Variants in SYNE2 observed in about 807,000 individuals in gnomAD.
SYNE2 encodes spectrin repeat containing nuclear envelope protein 2.
In SYNE2, 431 loss-of-function variants were observed where a neutral mutation model predicts 856.3. The ratio of observed to expected loss-of-function variants is 0.50; its 90% CI spans 0.47 to 0.55. The LOEUF (loss-of-function observed/expected upper bound fraction) is 0.55, where lower values mean the gene tolerates loss of function less well. Among genes scored for constraint, SYNE2 ranks in the 20% least tolerant of loss-of-function variants. The pLI, the probability that SYNE2 is intolerant of heterozygous loss-of-function variation, is 0.00. For synonymous variants in SYNE2, 2,923 were observed against 2,872.3 expected, an observed-to-expected ratio of 1.02 and a Z score of -0.56; for missense variants, 8,129 against 8,023.2, an observed-to-expected ratio of 1.01 and a Z score of -0.50.
At chr14:63,787,153 G>A (rs182296872) in intron 1 of SYNE2, among the ~76,000 whole-genome samples, 11 of 152,204 alleles carry the variant, frequency 7.2e-5, no homozygotes, top group Non-Finnish European at 1.2e-4. Flanking sequence ...TTGGGATATC[G>A]ACAATCTCAA....
At chr14:63,932,265 C>G (rs1387269660) in intron 2 of SYNE2, among the ~76,000 whole-genome samples, 1 of 152,034 alleles carries the variant, frequency 6.6e-6, no homozygotes, top group Non-Finnish European at 1.5e-5. Context: ...GCCTGTAATC[C>G]CAGCTACTTG....
At chr14:64,148,264 A>G (rs1027214337) in intron 84 of SYNE2, among the ~76,000 whole-genome samples, 4 of 152,220 alleles carry the variant, frequency 2.6e-5, no homozygotes, top group African/African-American at 7.2e-5. Flanking sequence ...ACAGTAAACT[A>G]TGATCATGCC....
intron 54 of SYNE2, 75 bp downstream of exon 54, chr14:64,076,175 T>G: frequency 6.6e-7 from 1 of 1,513,282 alleles, no homozygotes; most frequent in Non-Finnish European, 9.1e-7. Context: ...TCATTTAATG[T>G]CAAATTCCAT....
Position 63,979,016 on chromosome 14 carries a change from T to G in SYNE2, c.1569+2T>G, listed in dbSNP as rs1029219568. The G allele has an allele frequency of 6.2e-7, 1 of 1,613,512 alleles. No homozygotes were observed. Among genetic ancestry groups the G allele is most frequent in the Admixed American group, 1.7e-5 (1 of 59,998 alleles). On this transcript the variant is annotated splice_donor_variant, in intron 14 of 115. Coordinates refer to ENST00000555002, the MANE Select transcript of SYNE2 (RefSeq NM_182914.3). LOFTEE classifies it high-confidence loss of function. ...GAATTATTGCTGGAAGACTGGCATGTAAGCTTTTCAATTTTGTGTCTTAGG... is the reference window on the plus strand; with the variant it reads ...GAATTATTGCTGGAAGACTGGCATGGAAGCTTTTCAATTTTGTGTCTTAGG...
Position 63,990,440 on chromosome 14 carries a change from T to A in SYNE2, c.2343T>A (p.Asp781Glu), listed in dbSNP as rs1237220771. ...TTATTGCCAAAGGCTCTATGTTTGA[T>A]GAGCTTATGGCAAGAAGTGAAGATA... ...KHLIAKGSMF[D>E]ELMARSEDML... Residue 781 changes from aspartate to glutamate, a missense_variant, in exon 20 of 116, where the codon GAT (aspartate) becomes GAA (glutamate). Asp to Glu is a conservative substitution (Grantham distance 45). Around this residue, in one of 3 missense-constraint regions of SYNE2, gnomAD observed 2,422 missense variants for 2,357.4 expected, o/e 1.03. Transcript: ENST00000555002. 1 of 1,612,578 alleles carries A rather than the reference T, an allele frequency of 6.2e-7. No homozygotes were observed. Among genetic ancestry groups the A allele is most frequent in the Admixed American group, 1.7e-5 (1 of 60,028 alleles).
chr14:64,027,718 T>C lies in SYNE2; in HGVS notation c.6639T>C (p.Thr2213=), dbSNP rs2096991869. The C allele has an allele frequency of 6.2e-7, 1 of 1,614,098 alleles. No individual in the cohort carries two copies. Among genetic ancestry groups the C allele is most frequent in the East Asian group, 2.2e-5 (1 of 44,870 alleles). Reference sequence around the variant, plus strand: ...AGGGAAACTACCTCTTGGAGTGCACTAAAAATCCCAGCTTCAGTGAAGAGC... The same window carrying C: ...AGGGAAACTACCTCTTGGAGTGCACCAAAAATCCCAGCTTCAGTGAAGAGC... ...KSQGNYLLEC[T]KNPSFSEEPW... The change falls in exon 43 of 116, where the codon ACT becomes ACC. Residue 2213 remains threonine (T), a synonymous_variant. Transcript: ENST00000555002.
At chr14:64,198,047 G>A (rs2098547476) in intron 99 of SYNE2, among the ~76,000 whole-genome samples, 1 of 152,172 alleles carries the variant, frequency 6.6e-6, no homozygotes, top group Admixed American at 6.5e-5. Flanking sequence ...CTTCGCTTTT[G>A]TACCTAAAAA....
intron 10 of SYNE2, among the ~76,000 whole-genome samples, chr14:63,965,323 T>C (rs1231876438): frequency 6.6e-6 from 1 of 152,192 alleles, no homozygotes; most frequent in Non-Finnish European, 1.5e-5. Context: ...TGTTAAAATA[T>C]CTTGCTGAGC....
chr14:64,089,423 A>T lies in SYNE2; in HGVS notation c.11671-151A>T, dbSNP rs1595443888. The stretch of plus-strand genomic sequence containing the variant: ...GGAAAGAAAATGGTGAACATTATTT[A>T]TTTATCTATAGTGCTTGGTTAGTTT... On this transcript the variant is annotated intron_variant, in intron 58 of 115. Coordinates refer to ENST00000555002, the MANE Select transcript of SYNE2 (RefSeq NM_182914.3). 6.4e-6 allele frequency: 2 copies of T among 312,174 alleles called. No homozygotes were observed. The highest frequency in any genetic ancestry group is 5.9e-6 in the Non-Finnish European group (1 of 169,844). The allele number at this position is 312,174 out of a possible 1,614,324, so 19.3% of individuals were successfully genotyped here.
chr14:64,130,301 T>A, intron 76 of SYNE2, 53 bp downstream of exon 76: 1 of 1,444,072 alleles, frequency 6.9e-7, no homozygotes, highest in Non-Finnish European at 9.6e-7. Context: ...AATCTTAAGG[T>A]ATTTCTGAAT....
intron 36 of SYNE2, 89 bp downstream of exon 36, chr14:64,021,604 A>C: frequency 6.8e-7 from 1 of 1,468,988 alleles, no homozygotes; most frequent in Middle Eastern, 2.2e-4. Context: ...ATAAAAATAG[A>C]AAAAAAAAGT....
At chr14:64,125,285 C>T in intron 71 of SYNE2, 75 bp downstream of exon 71, 1 of 1,594,478 alleles carries the variant, frequency 6.3e-7, no homozygotes, top group South Asian at 1.1e-5. Context: ...GTGACTTGGT[C>T]ATAATTGTCG....
chr14:63,840,642 C>G (rs1890035179), intron 1 of SYNE2, among the ~76,000 whole-genome samples: 1 of 151,846 alleles, frequency 6.6e-6, no homozygotes, highest in Admixed American at 6.6e-5. Flanking sequence ...TTTTAAATGT[C>G]TCTGCCAAAG....
At position 63,978,892 on chromosome 14, in the gene SYNE2, G is replaced by A. The variant is rs200611311; in HGVS notation, c.1447G>A (p.Glu483Lys). Reference sequence around the variant, plus strand: ...GGAGAAAAAATTTATTCTACTTCTAGAATTTCATTACTACAAGTGCTTAGT... The same window carrying A: ...GGAGAAAAAATTTATTCTACTTCTAAAATTTCATTACTACAAGTGCTTAGT... ...ILEKKFILLL[E>K]FHYYKCLVLG... is the part of the protein sequence containing the mutation. Residue 483 changes from glutamate to lysine, a missense_variant, in exon 14 of 116, where the codon GAA becomes AAA. Transcript: ENST00000555002. 2.2e-4 allele frequency: 354 copies of A among 1,613,236 alleles called. 1 individual carries two copies. In the African/African-American group the frequency reaches 4.2e-3, roughly 19 times the overall value.
chr14:63,843,665 A>T (rs1595166468), intron 1 of SYNE2, among the ~76,000 whole-genome samples: 1 of 152,168 alleles, frequency 6.6e-6, no homozygotes, highest in African/African-American at 2.4e-5. Context: ...TTTTATTCAG[A>T]ATTTTTAAAA....
At chr14:64,210,384 G>A (rs998091761) in intron 103 of SYNE2, among the ~76,000 whole-genome samples, 1 of 152,190 alleles carries the variant, frequency 6.6e-6, no homozygotes, top group Non-Finnish European at 1.5e-5. Flanking sequence ...TACAACTTCT[G>A]TAACCCGTGG....
At chr14:64,104,221 A>G (rs73279572) in intron 64 of SYNE2, among the ~76,000 whole-genome samples, 7,507 of 152,108 alleles carry the variant, frequency 0.049, 614 homozygotes, top group African/African-American at 0.17. Flanking sequence ...CTGGAGTACA[A>G]ATTCAATACC....
rs2096960617 is a variant in SYNE2, at chr14:64,024,313, G to A, written c.5694G>A (p.Leu1898=). 1.2e-6 allele frequency: 2 copies of A among 1,614,018 alleles called. No homozygotes were observed. Among genetic ancestry groups the A allele is most frequent in the South Asian group, 2.2e-5 (2 of 91,086 alleles). Residue 1898 remains leucine, a synonymous_variant, in exon 39 of 116, where the codon CTG becomes CTA. Transcript: ENST00000555002. ...AAATAAAGCAGGTGGACAGCGTACT[G>A]AAGCATGTGAAGAAGCATCTGCCCA... The part of the protein sequence containing the change: ...NSKIKQVDSV[L]KHVKKHLPKA...
chr14:64,177,455 A>AT lies in SYNE2; in HGVS notation c.17528_17529insT (p.Leu5844ProfsTer3). Reference sequence around the variant, plus strand: ...GATCCTCTTCCAGAGCTTCACGAGGACCTCCATAACGAAAAAGAGCTGATT... The same window carrying AT: ...GATCCTCTTCCAGAGCTTCACGAGGATCCTCCATAACGAAAAAGAGCTGATT... On this transcript the variant is annotated frameshift_variant, in exon 96 of 116. Transcript: ENST00000555002. LOFTEE classifies it high-confidence loss of function. 6.2e-7 allele frequency: 1 copy of AT among 1,614,158 alleles called. No individual in the cohort carries two copies. Among genetic ancestry groups the AT allele is most frequent in the Non-Finnish European group, 8.5e-7 (1 of 1,180,020 alleles).
Sources: gnomAD v4.1 joint callset for allele counts (sites outside exome capture counted in the v4.1 genomes callset) on GRCh38, gnomAD v4.1.1 for gene constraint, gnomAD v4.1.1 regional missense constraint, MANE v1.5 for transcripts, NCBI Gene and HGNC (gene_info 2026-07-23, HGNC 2026-07-21) for gene names.